Variants in EPHB2 observed in about 807,000 individuals in gnomAD.
The protein encoded by EPHB2 is ephrin type-B receptor 2.
In EPHB2, 18 loss-of-function variants were observed where a neutral mutation model predicts 96.4. The observed-to-expected ratio is 0.19, with a 90% CI of 0.13 to 0.28. EPHB2 has a LOEUF of 0.28. Ranked by LOEUF, EPHB2 falls within the 10% of genes least tolerant of loss-of-function variation. EPHB2 has a pLI of 1.00. For missense variants in EPHB2, 989 were observed against 1,355.4 expected, an observed-to-expected ratio of 0.73 and a Z score of 4.25; for synonymous variants, 506 against 534.1, an observed-to-expected ratio of 0.95 and a Z score of 0.72.
At chr1:22,749,910 G>A (rs905079282) in intron 1 of EPHB2, among the ~76,000 whole-genome samples, 6 of 152,106 alleles carry the variant, frequency 3.9e-5, no homozygotes, top group African/African-American at 1.4e-4. Flanking sequence ...TAATCAAGAC[G>A]TGTGGTTTGA....
At chr1:22,773,587 C>T (rs1644407765) in intron 1 of EPHB2, among the ~76,000 whole-genome samples, 1 of 152,186 alleles carries the variant, frequency 6.6e-6, no homozygotes, top group African/African-American at 2.4e-5. Context: ...CCCAGCTGGC[C>T]CCCAATTCTA....
chr1:22,720,686 A>AC (rs1643441721), intron 1 of EPHB2, among the ~76,000 whole-genome samples: 1 of 43,728 alleles, frequency 2.3e-5, no homozygotes, highest in East Asian at 7.6e-4. Flanking sequence ...CCCAGCACTT[A>AC]CCCCCGAATT....
At chr1:22,871,554 G>A (rs1485005777) in intron 5 of EPHB2, among the ~76,000 whole-genome samples, 1 of 152,166 alleles carries the variant, frequency 6.6e-6, no homozygotes, top group African/African-American at 2.4e-5. Flanking sequence ...TATCATTACA[G>A]CTTTGCTAGA....
chr1:22,768,997 G>T (rs923111845), intron 1 of EPHB2, among the ~76,000 whole-genome samples: 4 of 152,136 alleles, frequency 2.6e-5, no homozygotes, highest in African/African-American at 9.7e-5. Flanking sequence ...CCCCCTTATA[G>T]ACTGGGACCC....
At chr1:22,796,511 A>T (rs990095390) in intron 3 of EPHB2, among the ~76,000 whole-genome samples, 2 of 152,166 alleles carry the variant, frequency 1.3e-5, no homozygotes, top group Non-Finnish European at 2.9e-5. Context: ...GTGCACGGCC[A>T]TTTCCATCTC....
intron 1 of EPHB2, among the ~76,000 whole-genome samples, chr1:22,748,202 C>T (rs985412941): frequency 2.6e-5 from 4 of 152,190 alleles, no homozygotes. Flanking sequence ...TTAATGCCTG[C>T]CACAGAGTAA....
chr1:22,871,235 G>A (rs1373870577), intron 5 of EPHB2, among the ~76,000 whole-genome samples: 1 of 152,196 alleles, frequency 6.6e-6, no homozygotes, highest in Non-Finnish European at 1.5e-5. Flanking sequence ...TGCATCCTCA[G>A]GGCCCAATGT....
intron 1 of EPHB2, among the ~76,000 whole-genome samples, chr1:22,731,974 AG>A (rs1451011018): frequency 6.6e-6 from 1 of 152,240 alleles, no homozygotes. Flanking sequence ...GGTCTTTGGA[AG>A]GATCTCTTGG....
At chr1:22,786,505 G>A (rs1166748877) in intron 3 of EPHB2, among the ~76,000 whole-genome samples, 1 of 152,174 alleles carries the variant, frequency 6.6e-6, no homozygotes, top group East Asian at 1.9e-4. Context: ...TTAGCCTGGG[G>A]GTGGTTGCAG....
intron 5 of EPHB2, among the ~76,000 whole-genome samples, chr1:22,881,092 G>A (rs1278524363): frequency 6.6e-6 from 1 of 151,964 alleles, no homozygotes; most frequent in African/African-American, 2.4e-5. Context: ...TGGGCAACAT[G>A]GCGAAACCCC....
chr1:22,802,659 A>G (rs926798670), intron 3 of EPHB2, among the ~76,000 whole-genome samples: 1 of 149,154 alleles, frequency 6.7e-6, no homozygotes, highest in African/African-American at 2.4e-5. Context: ...CGCACCACCC[A>G]GCCCCACCCC....
intron 1 of EPHB2, among the ~76,000 whole-genome samples, chr1:22,746,745 AG>A (rs1643980767): frequency 6.6e-6 from 1 of 152,208 alleles, no homozygotes; most frequent in South Asian, 2.1e-4. Flanking sequence ...TGCAGAAGTC[AG>A]GTCACAAAGG....
chr1:22,846,431 AAAAAAG>A lies in EPHB2; in HGVS notation c.812-16601_812-16596del, dbSNP rs1237056189. ...AGTGAGACTCTGTCTCAAAAAAAAA[AAAAAAG>A]AAAAGAAAGTCCTAGGTCAGGGACC... is the stretch of plus-strand genomic sequence containing the variant. On this transcript the variant is annotated intron_variant, in intron 3 of 15. Transcript: ENST00000374630. The surrounding 1 kb of genome is among the most constrained non-coding windows in gnomAD (Gnocchi z 4.3). Among the ~76,000 whole-genome samples the A allele has an allele frequency of 7.3e-3, 1,043 of 142,508 alleles. 17 individuals carry two copies. Among genetic ancestry groups the A allele is most frequent in the African/African-American group, 0.024 (971 of 40,526 alleles). The allele number at this position is 142,508 out of a possible 152,430, so 93.5% of individuals were successfully genotyped here. A position where few individuals can be genotyped will look rare whatever the true frequency, so the allele number is the denominator to read the frequency against.
intron 3 of EPHB2, among the ~76,000 whole-genome samples, chr1:22,833,729 A>G (rs1021504268): frequency 6.6e-6 from 1 of 152,232 alleles, no homozygotes; most frequent in Admixed American, 6.5e-5. Flanking sequence ...ACAAGAGTAT[A>G]AAGTCAAATA....
intron 3 of EPHB2, among the ~76,000 whole-genome samples, chr1:22,810,526 G>A (rs1644988312): frequency 6.6e-6 from 1 of 152,204 alleles, no homozygotes; most frequent in South Asian, 2.1e-4. Flanking sequence ...GTCAAAGAAG[G>A]CACTAAACCA....
intron 3 of EPHB2, among the ~76,000 whole-genome samples, chr1:22,804,796 G>A (rs576683057): frequency 6.6e-6 from 1 of 151,170 alleles, no homozygotes; most frequent in East Asian, 2.0e-4. Flanking sequence ...CTCCTTCAGT[G>A]TCCTCTTGTC....
intron 5 of EPHB2, among the ~76,000 whole-genome samples, chr1:22,868,758 C>CA (rs1638564644): frequency 2.0e-5 from 3 of 152,274 alleles, no homozygotes; most frequent in Non-Finnish European, 4.4e-5. Context: ...TGCAGATTTA[C>CA]TTGGTAAAGG....
intron 1 of EPHB2, among the ~76,000 whole-genome samples, chr1:22,779,285 T>C (rs989245022): frequency 6.6e-6 from 1 of 152,202 alleles, no homozygotes; most frequent in Admixed American, 6.5e-5. Context: ...GCACTGGCTC[T>C]ACCATCCCTG....
At chr1:22,825,548 C>A (rs1645210970) in intron 3 of EPHB2, among the ~76,000 whole-genome samples, 1 of 152,212 alleles carries the variant, frequency 6.6e-6, no homozygotes, top group Admixed American at 6.5e-5. Flanking sequence ...ACCTCACTCC[C>A]ATCCATAAGT....
Sources: allele counts gnomAD v4.1 joint callset (sites outside exome capture counted in the v4.1 genomes callset), GRCh38; gene constraint gnomAD v4.1.1; non-coding constraint Gnocchi (gnomAD v3.1); transcripts MANE v1.5; gene names NCBI Gene and HGNC (gene_info 2026-07-23, HGNC 2026-07-21).